EDIL3: variants seen among roughly 807,000 people sequenced by gnomAD.
EDIL3 encodes EGF-like repeat and discoidin I-like domain-containing protein 3.
A neutral mutation model predicts 67.4 loss-of-function variants in EDIL3; 37 were observed. That is an observed-to-expected ratio of 0.55 (90% CI 0.42 to 0.72). The LOEUF (loss-of-function observed/expected upper bound fraction) is 0.72, where lower values mean the gene tolerates loss of function less well. Among genes scored for constraint, EDIL3 ranks in the 30% least tolerant of loss-of-function variants. The pLI, the probability that EDIL3 is intolerant of heterozygous loss-of-function variation, is 0.00. For synonymous variants in EDIL3, 195 were observed against 196.3 expected, an observed-to-expected ratio of 0.99 and a Z score of 0.05; for missense variants, 527 against 586.3, an observed-to-expected ratio of 0.90 and a Z score of 1.04.
chr5:84,259,403 T>C (rs1402984482), intron 1 of EDIL3, among the ~76,000 whole-genome samples: 3 of 152,232 alleles, frequency 2.0e-5, no homozygotes, highest in African/African-American at 4.8e-5. Flanking sequence ...GTAATGTGTG[T>C]AGCATTATAC....
At chr5:84,071,621 T>C (rs759661339) in intron 6 of EDIL3, among the ~76,000 whole-genome samples, 1 of 152,178 alleles carries the variant, frequency 6.6e-6, no homozygotes, top group Non-Finnish European at 1.5e-5. Flanking sequence ...TATAAACTAG[T>C]AAGCAGCAAG....
At chr5:84,001,448 A>T (rs1428797443) in intron 9 of EDIL3, among the ~76,000 whole-genome samples, 1 of 152,290 alleles carries the variant, frequency 6.6e-6, no homozygotes, top group East Asian at 1.9e-4. Context: ...AGAAGAAGAT[A>T]AAGATCACAG....
At chr5:84,321,847 T>C (rs951021862) in intron 1 of EDIL3, among the ~76,000 whole-genome samples, 12 of 152,130 alleles carry the variant, frequency 7.9e-5, no homozygotes, top group Non-Finnish European at 8.8e-5. Context: ...CATCCATCCA[T>C]TCCTCATTTC....
chr5:84,158,520 C>T (rs1434764850), intron 4 of EDIL3, among the ~76,000 whole-genome samples: 3 of 151,972 alleles, frequency 2.0e-5, no homozygotes, highest in Admixed American at 2.0e-4. Flanking sequence ...CACAGAAATA[C>T]ATCGATTTCT....
chr5:84,038,723 G>C (rs2269281), intron 9 of EDIL3, among the ~76,000 whole-genome samples: 28,690 of 152,190 alleles, frequency 0.19, 3,026 homozygotes, highest in Admixed American at 0.24. Context: ...CAGGGGTCTA[G>C]GTGTTTTTTG....
At chr5:84,078,836 C>T (rs996411594) in intron 6 of EDIL3, 2 of 152,098 alleles carry the variant, frequency 1.3e-5, no homozygotes, top group South Asian at 4.2e-4. Flanking sequence ...GTCCTAAATC[C>T]ATTGGAATTT....
intron 2 of EDIL3, among the ~76,000 whole-genome samples, chr5:84,233,538 T>C (rs998650113): frequency 6.6e-6 from 1 of 152,176 alleles, no homozygotes; most frequent in African/African-American, 2.4e-5. Context: ...TCAGATTTCA[T>C]TGGGTATCTA....
At chr5:84,231,523 G>A (rs548572672) in intron 2 of EDIL3, among the ~76,000 whole-genome samples, 2 of 152,258 alleles carry the variant, frequency 1.3e-5, no homozygotes, top group South Asian at 4.1e-4. Context: ...GTTAATCAAG[G>A]TATCACTGTG....
intron 5 of EDIL3, among the ~76,000 whole-genome samples, chr5:84,132,096 G>A (rs1018267382): frequency 2.7e-5 from 4 of 150,258 alleles, no homozygotes; most frequent in South Asian, 2.1e-4. Flanking sequence ...ATAGCCTGGC[G>A]TGGTGGCAGG....
intron 9 of EDIL3, among the ~76,000 whole-genome samples, chr5:83,996,698 G>A (rs1215822010): frequency 6.6e-6 from 1 of 152,138 alleles, no homozygotes; most frequent in African/African-American, 2.4e-5. Flanking sequence ...ATGATGTGGG[G>A]GAATATTCCA....
chr5:84,372,507 T>C (rs1024051579), intron 1 of EDIL3, among the ~76,000 whole-genome samples: 15 of 152,142 alleles, frequency 9.9e-5, no homozygotes, highest in African/African-American at 3.6e-4. Context: ...ACCTAAACTA[T>C]GCAGACTTCA....
At chr5:84,062,045 A>T (rs1445624098) in intron 8 of EDIL3, among the ~76,000 whole-genome samples, 1 of 152,070 alleles carries the variant, frequency 6.6e-6, no homozygotes, top group East Asian at 1.9e-4. Flanking sequence ...TGCATATCCT[A>T]TGAAAACATG....
chr5:84,045,908 T>A (rs1746214886), intron 9 of EDIL3, among the ~76,000 whole-genome samples: 1 of 152,212 alleles, frequency 6.6e-6, no homozygotes, highest in Non-Finnish European at 1.5e-5. Context: ...AAAAGTGAAC[T>A]ACCTATTATT....
At chr5:84,348,593 C>A (rs1431272595) in intron 1 of EDIL3, among the ~76,000 whole-genome samples, 5 of 139,188 alleles carry the variant, frequency 3.6e-5, no homozygotes, top group African/African-American at 5.2e-5. Flanking sequence ...TCCTCTGTGG[C>A]AAAAAAAAAA....
intron 4 of EDIL3, among the ~76,000 whole-genome samples, chr5:84,171,194 T>C (rs1180586887): frequency 6.6e-6 from 1 of 152,198 alleles, no homozygotes. Flanking sequence ...TCAGAGATTA[T>C]TGTTTTTCTG....
chr5:84,225,744 A>G, intron 3 of EDIL3, among the ~76,000 whole-genome samples: 1 of 151,440 alleles, frequency 6.6e-6, no homozygotes, highest in East Asian at 1.9e-4. Flanking sequence ...AATCGACCCA[A>G]CTCTGTGTGC....
chr5:84,296,117 G>A (rs1746047424), intron 1 of EDIL3, among the ~76,000 whole-genome samples: 1 of 152,160 alleles, frequency 6.6e-6, no homozygotes, highest in Non-Finnish European at 1.5e-5. Context: ...CACATAGTAG[G>A]TGATTTGTAC....
At chr5:84,132,544 TAA>T (rs1213395809) in intron 5 of EDIL3, among the ~76,000 whole-genome samples, 1 of 119,222 alleles carries the variant, frequency 8.4e-6, no homozygotes, top group African/African-American at 3.3e-5. Context: ...ATTTTATATA[TAA>T]TATATATTTT....
chr5:84,036,879 G>A (rs1746031401), intron 9 of EDIL3, among the ~76,000 whole-genome samples: 1 of 152,056 alleles, frequency 6.6e-6, no homozygotes, highest in Non-Finnish European at 1.5e-5. Flanking sequence ...AGAAGATTTT[G>A]TTTTCCTCAG....
Sources: allele counts gnomAD v4.1 joint callset (sites outside exome capture counted in the v4.1 genomes callset), GRCh38; gene constraint gnomAD v4.1.1; transcripts MANE v1.5; gene names NCBI Gene and HGNC (gene_info 2026-07-23, HGNC 2026-07-21).